Variants in TROAP observed in about 807,000 individuals in gnomAD.
TROAP encodes the protein tastin.
Under a neutral mutation model 83.4 loss-of-function variants are expected in TROAP, and 62 were observed. The observed-to-expected ratio is 0.74, with a 90% confidence interval of 0.61 to 0.92. TROAP has a LOEUF of 0.92. Ranked by LOEUF, TROAP falls within the 40% of genes least tolerant of loss-of-function variation. The pLI is 0.00. For synonymous variants in TROAP, 352 were observed against 386.4 expected (o/e 0.91, Z 1.04); for missense variants, 876 against 985.1 (o/e 0.89, Z 1.48).
rs144038186 is a variant in TROAP at position 49,327,289 on chromosome 12, C to T, written c.850C>T (p.Arg284Ter). Residue 284 changes from arginine to a stop codon, truncating the protein, a stop_gained, in exon 8 of 15, where the codon CGA (arginine) becomes TGA (stop). Coordinates refer to ENST00000257909, the MANE Select transcript of TROAP (RefSeq NM_005480.4). LOFTEE classifies it high-confidence loss of function. Reference protein sequence around the residue: ...GGVASLGLAQRVPLRENREMS... With the variant: ...GGVASLGLAQ ...TGTGGCCTCTCTTGGTCTGGCCCAGCGAGTACCATTAAGAGAAAACCGAGA... is the reference window on the plus strand; with the variant it reads ...TGTGGCCTCTCTTGGTCTGGCCCAGTGAGTACCATTAAGAGAAAACCGAGA... 2 of 1,613,928 alleles carry T rather than the reference C, an allele frequency of 1.2e-6. No individual in the cohort carries two copies. Among genetic ancestry groups the T allele is most frequent in the Admixed American group, 1.7e-5 (1 of 59,990 alleles).
In TROAP at chr12:49,329,900, G is replaced by A; in HGVS notation, c.1208G>A (p.Arg403Lys). The change falls in exon 12 of 15, where the codon AGG becomes AAG. Residue 403 changes from arginine to lysine, a missense_variant. By Grantham distance (26) the Arg-to-Lys change is conservative. Around this residue, in one of 3 missense-constraint regions of TROAP, gnomAD observed 689 missense variants for 722.6 expected, o/e 0.95. Transcript: ENST00000257909. The surrounding 1 kb of genome is among the most constrained non-coding windows in gnomAD (Gnocchi z 4.5). ...VRLFDQESCI[R>K]SLEGSGKPPV... is the part of the protein sequence containing the mutation. The stretch of plus-strand genomic sequence containing the variant: ...TTGTTTGACCAGGAGAGTTGTATAA[G>A]GTCACTGGAGGGTTCTGGGAAACCA... 1.9e-6 allele frequency: 3 copies of A among 1,614,062 alleles called. No individual in the cohort carries two copies. Among genetic ancestry groups the A allele is most frequent in the Non-Finnish European group, 2.5e-6 (3 of 1,180,002 alleles).
At position 49,329,913 on chromosome 12, in the gene TROAP, T is replaced by A; in HGVS notation, c.1221T>A (p.Gly407=). The A allele has an allele frequency of 6.2e-7, 1 of 1,613,878 alleles. No individual in the cohort carries two copies. The highest frequency in any genetic ancestry group is 8.5e-7 in the Non-Finnish European group (1 of 1,179,952). ...DQESCIRSLE[G]SGKPPVATPS... ...AGAGTTGTATAAGGTCACTGGAGGG[T>A]TCTGGGAAACCACCGGTGGCCACTC... The change falls in exon 12 of 15, where the codon GGT becomes GGA. Residue 407 remains glycine, a synonymous_variant. Coordinates refer to ENST00000257909, the MANE Select transcript of TROAP (RefSeq NM_005480.4). The surrounding 1 kb of genome is among the most constrained non-coding windows in gnomAD (Gnocchi z 4.5).
At position 49,328,828 on chromosome 12, in the gene TROAP, G is replaced by T; in HGVS notation, c.892-99G>T. On this transcript the variant is annotated intron_variant, in intron 8 of 14. Transcript: ENST00000257909. ...GCAGTGAGCCAAGATCGCGCCACTG[G>T]ACTCCATCCTGGGTGACAGAGCGAG... The T allele has an allele frequency of 2.1e-6, 3 of 1,459,454 alleles. No homozygotes were observed. In the South Asian group the frequency reaches 4.4e-5, roughly 21 times the overall value. 90.4% of individuals were successfully genotyped at this position (1,459,454 alleles called of 1,614,324 possible).
rs368952389 is a variant in TROAP at position 49,324,228 on chromosome 12, C to T, written c.337+191C>T. The T allele has an allele frequency of 2.9e-5, 46 of 1,610,250 alleles. No individual in the cohort carries two copies. The African/African-American group carries it at 5.7e-4, about 20-fold the overall frequency. ...TTCCTCCAGCAAAATGTCATCTCGCCAGGTGCCATGGCTTGTACCTGTAAT... is the reference window on the plus strand; with the variant it reads ...TTCCTCCAGCAAAATGTCATCTCGCTAGGTGCCATGGCTTGTACCTGTAAT... On this transcript the variant is annotated intron_variant, in intron 3 of 14. Transcript: ENST00000257909.
intron 8 of TROAP, among the ~76,000 whole-genome samples, chr12:49,328,288 G>A (rs940392238): frequency 3.7e-5 from 5 of 134,816 alleles, no homozygotes; most frequent in South Asian, 2.5e-4. Context: ...GCAATGGCAC[G>A]ATCTCCGCTC....
In TROAP at chr12:49,323,725, C is replaced by G. The variant is rs369482342; in HGVS notation, c.117C>G (p.Ala39=). 1.2e-6 allele frequency: 2 copies of G among 1,613,980 alleles called. No individual in the cohort carries two copies. The highest frequency in any genetic ancestry group is 2.7e-5 in the African/African-American group (2 of 74,906). Reference sequence around the variant, plus strand: ...CTTTCCCCACTGTTACATCGTGCGCCGTGGACCAGGAGAACCAAGATCCAA... The same window carrying G: ...CTTTCCCCACTGTTACATCGTGCGCGGTGGACCAGGAGAACCAAGATCCAA... ...RTPFPTVTSC[A]VDQENQDPRR... is the part of the protein sequence containing the mutation. Residue 39 remains alanine, a synonymous_variant, in exon 2 of 15, where the codon GCC becomes GCG. Transcript: ENST00000257909.
rs570034092 is a variant in TROAP, at chr12:49,330,940, G to A, written c.2095G>A (p.Ala699Thr). ...LQSLRPPAGQ[A>T]GLSNLAPRTL... The stretch of plus-strand genomic sequence containing the variant: ...GTCTTTGAGACCCCCAGCAGGCCAG[G>A]CAGGTAAGGAGTTGGCTGGGAAGGA... The change falls in exon 13 of 15, where the codon GCA becomes ACA. Residue 699 changes from alanine to threonine, a missense_variant. Ala to Thr is a moderately conservative substitution (Grantham distance 58, BLOSUM62 0). Coordinates refer to ENST00000257909, the MANE Select transcript of TROAP (RefSeq NM_005480.4). 37 of 1,610,636 alleles carry A rather than the reference G, an allele frequency of 2.3e-5. No homozygotes were observed. In the South Asian group the frequency reaches 4.0e-4, roughly 17 times the overall value.
Position 49,329,915 on chromosome 12 carries a change from C to T in TROAP, c.1223C>T (p.Ser408Phe), listed in dbSNP as rs761587147. 2 of 1,614,040 alleles carry T rather than the reference C, an allele frequency of 1.2e-6. No homozygotes were observed. The highest frequency in any genetic ancestry group is 2.2e-5 in the East Asian group (1 of 44,884). The part of the protein sequence containing the change: ...QESCIRSLEG[S>F]GKPPVATPSG... ...AGTTGTATAAGGTCACTGGAGGGTT[C>T]TGGGAAACCACCGGTGGCCACTCCT... Residue 408 changes from serine to phenylalanine, a missense_variant, in exon 12 of 15, where the codon TCT (serine) becomes TTT (phenylalanine). Transcript: ENST00000257909. This position sits in a 1 kb window ranked among gnomAD's most constrained non-coding sequence, Gnocchi z 4.5.
Position 49,323,299 on chromosome 12 carries a change from G to A in TROAP, c.-56G>A, listed in dbSNP as rs776547423. ...AGTAGCTCCAGCAGCACCCGAGAGG[G>A]TCAGGAGAAAAGCGGAGGAAGCTGG... On this transcript the variant is annotated 5_prime_UTR_variant, in exon 1 of 15. Transcript: ENST00000257909. The A allele has an allele frequency of 4.7e-5, 15 of 319,972 alleles. No individual in the cohort carries two copies. Among genetic ancestry groups the A allele is most frequent in the Non-Finnish European group, 7.5e-5 (13 of 174,110 alleles). The allele number at this position is 319,972 out of a possible 1,614,324, so 19.8% of individuals were successfully genotyped here.
At chr12:49,328,569 C>A (rs961947067) in intron 8 of TROAP, among the ~76,000 whole-genome samples, 1 of 151,878 alleles carries the variant, frequency 6.6e-6, no homozygotes, top group Non-Finnish European at 1.5e-5. Flanking sequence ...AGTGAGAACA[C>A]GATATAGGAA....
chr12:49,325,688 C>T, intron 4 of TROAP, 30 bp downstream of exon 4: 1 of 1,612,806 alleles, frequency 6.2e-7, no homozygotes, highest in Non-Finnish European at 8.5e-7. Context: ...GGAGACCAGG[C>T]TAGGGGGCAC....
Position 49,331,705 on chromosome 12 carries a change from T to C in TROAP, c.*88T>C. 6.4e-7 allele frequency: 1 copy of C among 1,552,008 alleles called. No individual in the cohort carries two copies. ...CCCATGGGACTGGGAGCCGCCCACT[T>C]TTGTCCTCAATAAAGTTTCTAAAGT... On this transcript the variant is annotated 3_prime_UTR_variant, in exon 15 of 15. Coordinates refer to ENST00000257909, the MANE Select transcript of TROAP (RefSeq NM_005480.4).
chr12:49,324,042 C>CT lies in TROAP; in HGVS notation c.337+6dup. 1 of 1,612,446 alleles carries CT rather than the reference C, an allele frequency of 6.2e-7. No homozygotes were observed. Among genetic ancestry groups the CT allele is most frequent in the Non-Finnish European group, 8.5e-7 (1 of 1,178,988 alleles). ...CTGGGCCCCCTGCCCAGACAGGTACCTGTTGGAGCCATGGTAACACGGCCT... is the reference window on the plus strand; with the variant it reads ...CTGGGCCCCCTGCCCAGACAGGTACCTTGTTGGAGCCATGGTAACACGGCCT... On this transcript the variant is annotated splice_donor_region_variant and intron_variant, in intron 3 of 14. Coordinates refer to ENST00000257909, the MANE Select transcript of TROAP (RefSeq NM_005480.4).
chr12:49,324,217 T>C, intron 3 of TROAP, 180 bp downstream of exon 3: 1 of 1,613,642 alleles, frequency 6.2e-7, no homozygotes, highest in Non-Finnish European at 8.5e-7. Flanking sequence ...TCCAGCAAAA[T>C]GTCATCTCGC....
chr12:49,330,128 GCT>G lies in TROAP; in HGVS notation c.1300-11_1300-10del. On this transcript the variant is annotated splice_polypyrimidine_tract_variant and intron_variant, in intron 12 of 14. Transcript: ENST00000257909. ...GCACATCTTGATGTCACACTGGGGT[GCT>G]CTCTCCCACCACAGCGCATCGGTAT... The G allele has an allele frequency of 6.2e-7, 1 of 1,611,488 alleles. No homozygotes were observed. Among genetic ancestry groups the G allele is most frequent in the Non-Finnish European group, 8.5e-7 (1 of 1,178,470 alleles).
intron 6 of TROAP, 134 bp from the exon 7 acceptor site, chr12:49,326,534 A>C: frequency 9.3e-7 from 1 of 1,076,042 alleles, no homozygotes; most frequent in Non-Finnish European, 1.3e-6. Flanking sequence ...TTTCTTTGTC[A>C]AGTGAGAATA....
At chr12:49,324,767 A>G (rs960635209) in intron 3 of TROAP, among the ~76,000 whole-genome samples, 2 of 143,602 alleles carry the variant, frequency 1.4e-5, no homozygotes, top group African/African-American at 5.3e-5. Flanking sequence ...GTCTTACTCT[A>G]TCCCTCAGGC....
At chr12:49,324,105 G>C in intron 3 of TROAP, 68 bp downstream of exon 3, 1 of 1,613,494 alleles carries the variant, frequency 6.2e-7, no homozygotes, top group Non-Finnish European at 8.5e-7. Flanking sequence ...GTAAAAGTGG[G>C]GTTTTGGGGT....
At chr12:49,323,437 TC>T in intron 1 of TROAP, 88 bp downstream of exon 1, 1 of 858,346 alleles carries the variant, frequency 1.2e-6, no homozygotes, top group Non-Finnish European at 1.8e-6. Flanking sequence ...AAGAGTAGGC[TC>T]GGGGTGTCTG....
Sources: gnomAD v4.1 joint callset for allele counts (sites outside exome capture counted in the v4.1 genomes callset) on GRCh38, gnomAD v4.1.1 for gene constraint, gnomAD v4.1.1 regional missense constraint, Gnocchi (gnomAD v3.1) non-coding constraint, MANE v1.5 for transcripts, NCBI Gene and HGNC (gene_info 2026-07-23, HGNC 2026-07-21) for gene names.